VGLL3: variants seen among roughly 807,000 people sequenced by gnomAD.
The protein encoded by VGLL3 is transcription cofactor vestigial-like protein 3.
In VGLL3, 18 loss-of-function variants were observed where a neutral mutation model predicts 29.2. That is an observed-to-expected ratio of 0.62 (90% CI 0.43 to 0.91). The LOEUF (loss-of-function observed/expected upper bound fraction) is 0.91, where lower values mean the gene tolerates loss of function less well. Ranked by LOEUF, VGLL3 falls within the 40% of genes least tolerant of loss-of-function variation. The probability of loss-of-function intolerance (pLI) is 0.00; values close to 1 mark genes in which losing one functional copy is unlikely to be tolerated. For missense variants in VGLL3, 440 were observed against 413.2 expected (o/e 1.06, Z -0.56); for synonymous variants, 180 against 151.8 (o/e 1.19, Z -1.36).
chr3:86,965,336 C>A (rs947592999), intron 3 of VGLL3, among the ~76,000 whole-genome samples: 4 of 152,092 alleles, frequency 2.6e-5, no homozygotes, highest in East Asian at 3.9e-4. Context: ...CTTGGCTGCT[C>A]AGTAGTCACC....
At chr3:86,960,932 G>GATATATATATATATATAT (rs57744873) in intron 3 of VGLL3, among the ~76,000 whole-genome samples, 1 of 137,938 alleles carries the variant, frequency 7.2e-6, no homozygotes, top group South Asian at 2.3e-4. Flanking sequence ...AAGTAATTGT[G>GATATATATATATATATAT]ATATATATAT....
At chr3:86,985,224 A>G (rs1705414001) in intron 1 of VGLL3, among the ~76,000 whole-genome samples, 1 of 152,196 alleles carries the variant, frequency 6.6e-6, no homozygotes, top group East Asian at 1.9e-4. Flanking sequence ...ATTTAGCCAA[A>G]AAAACCCTAC....
intron 1 of VGLL3, among the ~76,000 whole-genome samples, chr3:86,989,346 T>G (rs1705530021): frequency 6.6e-6 from 1 of 152,184 alleles, no homozygotes; most frequent in South Asian, 2.1e-4. Context: ...AAAGTAGGGC[T>G]CCTTCCTCTT....
intron 2 of VGLL3, among the ~76,000 whole-genome samples, chr3:86,975,683 T>C (rs1454558858): frequency 1.3e-5 from 2 of 152,166 alleles, no homozygotes; most frequent in Admixed American, 1.3e-4. Flanking sequence ...AAACACATTG[T>C]TGTGAGCATC....
chr3:86,976,753 C>T (rs532155538), intron 2 of VGLL3, among the ~76,000 whole-genome samples: 13 of 152,220 alleles, frequency 8.5e-5, no homozygotes, highest in African/African-American at 3.1e-4. Flanking sequence ...ACTCTCACAC[C>T]AAGAAATAAT....
At chr3:86,968,133 C>T (rs1705003085) in intron 3 of VGLL3, among the ~76,000 whole-genome samples, 1 of 151,938 alleles carries the variant, frequency 6.6e-6, no homozygotes, top group Non-Finnish European at 1.5e-5. Flanking sequence ...AATTCTTGTT[C>T]AAAAGGCTAC....
intron 1 of VGLL3, among the ~76,000 whole-genome samples, chr3:86,984,058 C>A (rs1200978500): frequency 6.6e-6 from 1 of 152,136 alleles, no homozygotes; most frequent in Non-Finnish European, 1.5e-5. Context: ...GTCAGCATGG[C>A]ATCACATGCT....
intron 3 of VGLL3, among the ~76,000 whole-genome samples, chr3:86,966,488 A>C (rs922598919): frequency 2.0e-5 from 3 of 151,962 alleles, no homozygotes; most frequent in Non-Finnish European, 2.9e-5. Flanking sequence ...ACCCATGCTG[A>C]CAAAGGGCAG....
At position 86,944,442 on chromosome 3, in the gene VGLL3, T is replaced by A. The variant is rs763970998; in HGVS notation, c.*2582A>T. ...TCAGAAATTTTTTGTAGGGATAGGGTCTCCCTATGTTGCCTAGGCTGATCT... is the reference window on the plus strand; with the variant it reads ...TCAGAAATTTTTTGTAGGGATAGGGACTCCCTATGTTGCCTAGGCTGATCT... On this transcript the variant is annotated 3_prime_UTR_variant, in exon 4 of 4. Transcript: ENST00000398399. 2 of 152,224 alleles carry A rather than the reference T, an allele frequency of 1.3e-5. No individual in the cohort carries two copies. Among genetic ancestry groups the A allele is most frequent in the African/African-American group, 4.8e-5 (2 of 41,368 alleles). The allele number at this position is 152,224 out of a possible 1,614,324, so 9.4% of individuals were successfully genotyped here.
At chr3:86,961,986 T>C (rs550987708) in intron 3 of VGLL3, 3 of 982,546 alleles carry the variant, frequency 3.1e-6, no homozygotes, top group Non-Finnish European at 3.6e-6. Flanking sequence ...AAGAGGTATA[T>C]GGTAGGCAAT....
chr3:86,966,359 A>G (rs895595351), intron 3 of VGLL3, among the ~76,000 whole-genome samples: 3 of 152,082 alleles, frequency 2.0e-5, no homozygotes, highest in Non-Finnish European at 4.4e-5. Context: ...AGTCTAACCT[A>G]GAATCTCCAA....
intron 3 of VGLL3, among the ~76,000 whole-genome samples, chr3:86,963,465 TAGG>T (rs1271749844): frequency 1.3e-5 from 2 of 152,322 alleles, no homozygotes; most frequent in East Asian, 1.9e-4. Context: ...CTAAGAGGAA[TAGG>T]AGTTCTTGTT....
intron 1 of VGLL3, among the ~76,000 whole-genome samples, chr3:86,989,521 G>A (rs1360307786): frequency 6.6e-6 from 1 of 152,070 alleles, no homozygotes; most frequent in Non-Finnish European, 1.5e-5. Context: ...CAGAAGTAGA[G>A]GAAATACAGA....
At chr3:86,967,807 C>A (rs979902241) in intron 3 of VGLL3, among the ~76,000 whole-genome samples, 2 of 152,150 alleles carry the variant, frequency 1.3e-5, no homozygotes, top group Non-Finnish European at 2.9e-5. Flanking sequence ...TATGACCAGT[C>A]TGGTCCAAAA....
At chr3:86,969,975 C>T (rs1575871763) in intron 2 of VGLL3, among the ~76,000 whole-genome samples, 1 of 152,072 alleles carries the variant, frequency 6.6e-6, no homozygotes, top group Admixed American at 6.5e-5. Context: ...AATGGCTGGG[C>T]CTCTTCATAA....
At chr3:86,967,756 T>A (rs1704994573) in intron 3 of VGLL3, among the ~76,000 whole-genome samples, 1 of 152,214 alleles carries the variant, frequency 6.6e-6, no homozygotes, top group Admixed American at 6.5e-5. Flanking sequence ...TGGGCTCTGA[T>A]GCCTATGATT....
chr3:86,977,736 A>G lies in VGLL3; in HGVS notation c.403+790T>C, dbSNP rs534419364. Among the ~76,000 whole-genome samples, 3 of 152,336 alleles carry G rather than the reference A, an allele frequency of 2.0e-5. No individual in the cohort carries two copies. The East Asian group carries it at 5.8e-4, about 29-fold the overall frequency. On this transcript the variant is annotated intron_variant, in intron 2 of 3. Coordinates refer to ENST00000398399, the MANE Select transcript of VGLL3 (RefSeq NM_016206.4). ...TCCTGGTCAGGAAAATCACACCTCG[A>G]GAACCATTTTACTAGATCATTCCTA...
chr3:86,974,032 A>T (rs1195000747), intron 2 of VGLL3, among the ~76,000 whole-genome samples: 5 of 152,206 alleles, frequency 3.3e-5, no homozygotes, highest in Admixed American at 2.6e-4. Flanking sequence ...GATTATTTTT[A>T]AAATCTTTAT....
chr3:86,958,946 G>A (rs1704781145), intron 3 of VGLL3, among the ~76,000 whole-genome samples: 1 of 152,208 alleles, frequency 6.6e-6, no homozygotes, highest in African/African-American at 2.4e-5. Context: ...TTTGTAGAAA[G>A]TGTGAAGCAA....
Sources: allele counts gnomAD v4.1 joint callset (sites outside exome capture counted in the v4.1 genomes callset), GRCh38; gene constraint gnomAD v4.1.1; transcripts MANE v1.5; gene names NCBI Gene and HGNC (gene_info 2026-07-23, HGNC 2026-07-21).